The following EPHA3 variants were observed in gnomAD, a reference collection of about 807,000 sequenced individuals.
EPHA3 encodes the protein ephrin type-A receptor 3.
Under a neutral mutation model 107.1 loss-of-function variants are expected in EPHA3, and 42 were observed. That is an observed-to-expected ratio of 0.39 (90% CI 0.31 to 0.51). The LOEUF (loss-of-function observed/expected upper bound fraction) is 0.51, where lower values mean the gene tolerates loss of function less well. Ranked by LOEUF, EPHA3 falls within the 20% of genes least tolerant of loss-of-function variation. EPHA3 has a pLI of 0.78. For synonymous variants in EPHA3, 461 were observed against 424.8 expected (o/e 1.09, Z -1.05); for missense variants, 1,183 against 1,211.2 (o/e 0.98, Z 0.35).
At chr3:89,232,285 A>C (rs1704655898) in intron 3 of EPHA3, among the ~76,000 whole-genome samples, 1 of 152,138 alleles carries the variant, frequency 6.6e-6, no homozygotes, top group African/African-American at 2.4e-5. Flanking sequence ...TGGGCAAGGA[A>C]GACTCATTTC....
chr3:89,452,503 A>G (rs1710013640), intron 15 of EPHA3, among the ~76,000 whole-genome samples: 1 of 152,186 alleles, frequency 6.6e-6, no homozygotes, highest in Non-Finnish European at 1.5e-5. Context: ...TCCTCAGAAA[A>G]AAATGTCTAT....
At chr3:89,192,015 C>G (rs1361658230) in intron 2 of EPHA3, among the ~76,000 whole-genome samples, 1 of 152,078 alleles carries the variant, frequency 6.6e-6, no homozygotes, top group African/African-American at 2.4e-5. Flanking sequence ...TGTGTGACTT[C>G]GGGACCTTCC....
At chr3:89,456,177 T>G (rs73139288) in intron 15 of EPHA3, among the ~76,000 whole-genome samples, 28,651 of 152,178 alleles carry the variant, frequency 0.19, 3,333 homozygotes, top group Non-Finnish European at 0.25. Flanking sequence ...AGACCTGTTC[T>G]CCTAAGCAAA....
intron 9 of EPHA3, among the ~76,000 whole-genome samples, chr3:89,408,893 T>C (rs982852148): frequency 2.0e-5 from 3 of 152,050 alleles, no homozygotes; most frequent in African/African-American, 7.2e-5. Context: ...ATATAACTAA[T>C]GTAGTCTTGT....
intron 2 of EPHA3, among the ~76,000 whole-genome samples, chr3:89,201,874 T>G (rs1164790568): frequency 2.0e-5 from 3 of 152,192 alleles, no homozygotes; most frequent in East Asian, 1.9e-4. Context: ...GGATGTTAAG[T>G]GTGAACTTCA....
intron 5 of EPHA3, among the ~76,000 whole-genome samples, chr3:89,362,427 G>A (rs1576336844): frequency 6.6e-6 from 1 of 150,950 alleles, no homozygotes; most frequent in Non-Finnish European, 1.5e-5. Flanking sequence ...TCTTTCTATT[G>A]CAGTTGGCGC....
intron 11 of EPHA3, among the ~76,000 whole-genome samples, chr3:89,426,209 A>G (rs1255897297): frequency 6.6e-6 from 1 of 151,748 alleles, no homozygotes; most frequent in Non-Finnish European, 1.5e-5. Flanking sequence ...AGAGCATGCA[A>G]ACTTGAGTAC....
At chr3:89,191,454 C>G (rs1705715535) in intron 2 of EPHA3, among the ~76,000 whole-genome samples, 1 of 151,812 alleles carries the variant, frequency 6.6e-6, no homozygotes, top group South Asian at 2.1e-4. Context: ...CTACAGGCGC[C>G]CGCCACCACG....
At chr3:89,249,671 C>T (rs1439872745) in intron 3 of EPHA3, among the ~76,000 whole-genome samples, 8 of 151,990 alleles carry the variant, frequency 5.3e-5, no homozygotes, top group Non-Finnish European at 1.2e-4. Context: ...ACATTGCCCT[C>T]ACTGGCCTCA....
intron 3 of EPHA3, among the ~76,000 whole-genome samples, chr3:89,329,612 C>T (rs1351483240): frequency 6.6e-6 from 1 of 151,862 alleles, no homozygotes. Context: ...AATTCATCTT[C>T]CAAGTTGAAA....
rs539292152 is a variant in EPHA3, at chr3:89,466,479, C to T, written c.2691-5985C>T. On this transcript the variant is annotated intron_variant, in intron 15 of 16. Transcript: ENST00000336596. ...CTCAGACTGCTGTGCTAGCAATCAG[C>T]GAGACTCCGTGGGCGTAGGACCCTC... 3.0e-4 allele frequency among the ~76,000 whole-genome samples: 40 copies of T among 131,498 alleles called. 1 individual carries two copies. The highest frequency in any genetic ancestry group is 2.0e-3 in the South Asian group (9 of 4,506). The allele number at this position is 131,498 out of a possible 152,430, so 86.3% of individuals were successfully genotyped here. A position where few individuals can be genotyped will look rare whatever the true frequency, so the allele number is the denominator to read the frequency against.
intron 12 of EPHA3, 44 bp downstream of exon 12, chr3:89,429,211 G>A (rs1709514120): frequency 6.9e-7 from 1 of 1,454,204 alleles, no homozygotes; most frequent in East Asian, 2.3e-5. Flanking sequence ...ATAAATTGCT[G>A]AAAACATTAG....
chr3:89,418,262 A>G (rs1237225604), intron 10 of EPHA3, among the ~76,000 whole-genome samples: 3 of 151,444 alleles, frequency 2.0e-5, no homozygotes, highest in African/African-American at 7.3e-5. Flanking sequence ...AACATATCTG[A>G]TAATCCACAC....
chr3:89,303,951 T>A lies in EPHA3; in HGVS notation c.815-36965T>A, dbSNP rs537722110. Reference sequence around the variant, plus strand: ...GCCAAATAATAGTATGAGCTCATTCTGTGTGGGTTTTGAACCAGACTTACT... The same window carrying A: ...GCCAAATAATAGTATGAGCTCATTCAGTGTGGGTTTTGAACCAGACTTACT... On this transcript the variant is annotated intron_variant, in intron 3 of 16. Coordinates refer to ENST00000336596, the MANE Select transcript of EPHA3 (RefSeq NM_005233.6). Among the ~76,000 whole-genome samples, 3 of 152,298 alleles carry A rather than the reference T, an allele frequency of 2.0e-5. No homozygotes were observed. The South Asian group carries it at 6.2e-4, about 32-fold the overall frequency.
At chr3:89,364,857 A>G (rs2107462681) in intron 5 of EPHA3, among the ~76,000 whole-genome samples, 1 of 151,022 alleles carries the variant, frequency 6.6e-6, no homozygotes. Flanking sequence ...CTGCATTTTC[A>G]TCACTCCTTG....
chr3:89,425,608 A>G (rs1472445987), intron 11 of EPHA3, among the ~76,000 whole-genome samples: 1 of 151,572 alleles, frequency 6.6e-6, no homozygotes, highest in Non-Finnish European at 1.5e-5. Context: ...AATATTTAAT[A>G]ATGTTTCAAT....
chr3:89,178,016 A>C (rs1056952153), intron 2 of EPHA3, among the ~76,000 whole-genome samples: 3 of 152,192 alleles, frequency 2.0e-5, no homozygotes, highest in Non-Finnish European at 2.9e-5. Context: ...GTATTAGAGG[A>C]AAATCCCAAG....
chr3:89,261,289 A>G (rs753868120), intron 3 of EPHA3, among the ~76,000 whole-genome samples: 30 of 152,090 alleles, frequency 2.0e-4, no homozygotes, highest in Non-Finnish European at 4.4e-4. Context: ...CTGTCTTTAT[A>G]CCTGCATTTT....
In EPHA3 at chr3:89,480,622, A is replaced by C. The variant is rs1032552588; in HGVS notation, c.*1120A>C. ...AGCCTATAGGCCAATGCATGAGTAA[A>C]AAAAAAAACAATTACTGGCTCACTG... On this transcript the variant is annotated 3_prime_UTR_variant, in exon 17 of 17. Coordinates refer to ENST00000336596, the MANE Select transcript of EPHA3 (RefSeq NM_005233.6). 4 of 232,508 alleles carry C rather than the reference A, an allele frequency of 1.7e-5. No homozygotes were observed. Among genetic ancestry groups the C allele is most frequent in the Non-Finnish European group, 2.6e-5 (3 of 117,478 alleles). 14.4% of individuals were successfully genotyped at this position (232,508 alleles called of 1,614,324 possible).
Sources: gnomAD v4.1 joint callset for allele counts (sites outside exome capture counted in the v4.1 genomes callset) on GRCh38, gnomAD v4.1.1 for gene constraint, MANE v1.5 for transcripts, NCBI Gene and HGNC (gene_info 2026-07-23, HGNC 2026-07-21) for gene names.